INPP5B: variants seen among roughly 807,000 people sequenced by gnomAD.
INPP5B encodes the protein type II inositol 1,4,5-trisphosphate 5-phosphatase.
A neutral mutation model predicts 118.5 loss-of-function variants in INPP5B; 90 were observed. The ratio of observed to expected loss-of-function variants is 0.76; its 90% CI spans 0.64 to 0.90. INPP5B has a LOEUF of 0.90. Ranked by LOEUF, INPP5B falls within the 40% of genes least tolerant of loss-of-function variation. The probability of loss-of-function intolerance (pLI) is 0.00; values close to 1 mark genes in which losing one functional copy is unlikely to be tolerated. For synonymous variants in INPP5B, 385 were observed against 418.9 expected (o/e 0.92, Z 0.99); for missense variants, 984 against 1,125.6 (o/e 0.87, Z 1.80).
At chr1:37,883,039 T>C (rs1180074033) in intron 13 of INPP5B, 121 bp from the exon 14 acceptor site, 19 of 1,456,830 alleles carry the variant, frequency 1.3e-5, no homozygotes, top group Non-Finnish European at 1.7e-5. Context: ...GGAAAATGGC[T>C]CAACTGTTCG....
intron 3 of INPP5B, among the ~76,000 whole-genome samples, chr1:37,944,285 T>G (rs1646039119): frequency 6.6e-6 from 1 of 152,092 alleles, no homozygotes; most frequent in African/African-American, 2.4e-5. Flanking sequence ...GCCCCCTCCC[T>G]CCCAGCTCCT....
At chr1:37,890,306 C>T (rs535592469) in intron 8 of INPP5B, among the ~76,000 whole-genome samples, 5 of 150,568 alleles carry the variant, frequency 3.3e-5, no homozygotes, top group Admixed American at 1.3e-4. Context: ...ACCTGGGAGA[C>T]GGAGGCTGCA....
At chr1:37,873,308 G>A in intron 18 of INPP5B, 143 bp from the exon 19 acceptor site, 2 of 634,266 alleles carry the variant, frequency 3.2e-6, no homozygotes, top group South Asian at 1.9e-5. Flanking sequence ...ATCCAAATGT[G>A]CTTGGCATGC....
rs773900776 is a variant in INPP5B, at chr1:37,889,664, C to T, written c.690G>A (p.Ser230=). The change falls in exon 9 of 24, where the codon TCG becomes TCA. Residue 230 remains serine, a synonymous_variant. Transcript: ENST00000373024. ...GCATGGATAAAATATGAGCCTTGTCCGACACTGTGATAGTGGAGGAGCGAA... is the reference window on the plus strand; with the variant it reads ...GCATGGATAAAATATGAGCCTTGTCTGACACTGTGATAGTGGAGGAGCGAA... ...DMVRSSTITV[S]DKAHILSMQK... is the part of the protein sequence containing the mutation. The T allele has an allele frequency of 6.2e-6, 10 of 1,613,586 alleles. No homozygotes were observed. Among genetic ancestry groups the T allele is most frequent in the Admixed American group, 3.3e-5 (2 of 59,956 alleles).
chr1:37,897,935 C>G (rs557210637), intron 7 of INPP5B, among the ~76,000 whole-genome samples: 223 of 144,586 alleles, frequency 1.5e-3, no homozygotes, highest in African/African-American at 5.3e-3. Flanking sequence ...GATCCCACCT[C>G]TAAAAAATAT....
intron 7 of INPP5B, among the ~76,000 whole-genome samples, chr1:37,911,798 A>G (rs1443124804): frequency 6.6e-6 from 1 of 152,202 alleles, no homozygotes; most frequent in Non-Finnish European, 1.5e-5. Context: ...TTACTTCCAA[A>G]GGAAGCTGGA....
At chr1:37,869,802 C>T (rs896145585) in intron 19 of INPP5B, 2 of 152,046 alleles carry the variant, frequency 1.3e-5, no homozygotes, top group African/African-American at 4.8e-5. Context: ...GTTAACTCAC[C>T]ATATGACCTG....
At chr1:37,892,025 G>GGGTA (rs1479722983) in intron 7 of INPP5B, among the ~76,000 whole-genome samples, 1 of 152,130 alleles carries the variant, frequency 6.6e-6, no homozygotes, top group Non-Finnish European at 1.5e-5. Flanking sequence ...CTTGGATAAA[G>GGGTA]GGTACATTAA....
At chr1:37,875,862 C>T in intron 16 of INPP5B, 146 bp from the exon 17 acceptor site, 2 of 614,408 alleles carry the variant, frequency 3.3e-6, no homozygotes, top group Non-Finnish European at 5.8e-6. Context: ...TAATGAACTC[C>T]ATTAACAATT....
In INPP5B at chr1:37,923,562, C is replaced by T. The variant is rs1557702740; in HGVS notation, c.532+8351G>A. Among the ~76,000 whole-genome samples, 6 of 151,610 alleles carry T rather than the reference C, an allele frequency of 4.0e-5. No individual in the cohort carries two copies. The South Asian group carries it at 8.3e-4, about 21-fold the overall frequency. On this transcript the variant is annotated intron_variant, in intron 7 of 23. Coordinates refer to ENST00000373024, the MANE Select transcript of INPP5B (RefSeq NM_005540.3). ...GGAAACTTGAGGTTGGGAAGACTTA[C>T]AAGAAGACTACTGCAACAGTTCAGC...
intron 18 of INPP5B, among the ~76,000 whole-genome samples, chr1:37,873,680 A>T (rs1642612420): frequency 6.6e-6 from 1 of 152,220 alleles, no homozygotes; most frequent in South Asian, 2.1e-4. Flanking sequence ...AAGAGCAGAT[A>T]ATTGGGAGTT....
At chr1:37,938,592 T>G (rs1194802068) in intron 6 of INPP5B, among the ~76,000 whole-genome samples, 1 of 152,286 alleles carries the variant, frequency 6.6e-6, no homozygotes, top group African/African-American at 2.4e-5. Flanking sequence ...GTTGCACAGC[T>G]AGGTACTGGC....
chr1:37,904,177 TAGTC>T (rs1644426735), intron 7 of INPP5B, among the ~76,000 whole-genome samples: 1 of 151,818 alleles, frequency 6.6e-6, no homozygotes, highest in African/African-American at 2.4e-5. Context: ...TACAAAAAAT[TAGTC>T]AGGCATGGTG....
At chr1:37,939,044 A>ATCCAAAAG (rs1645808307) in intron 6 of INPP5B, among the ~76,000 whole-genome samples, 1 of 151,896 alleles carries the variant, frequency 6.6e-6, no homozygotes, top group Non-Finnish European at 1.5e-5. Context: ...AAATCCAAAA[A>ATCCAAAAG]TCAGCTGGGC....
chr1:37,884,672 C>T (rs1041614752), intron 13 of INPP5B, among the ~76,000 whole-genome samples: 1 of 152,158 alleles, frequency 6.6e-6, no homozygotes, highest in African/African-American at 2.4e-5. Context: ...AAACAAATGG[C>T]CGGGCGTGGT....
intron 6 of INPP5B, among the ~76,000 whole-genome samples, chr1:37,938,677 C>T (rs905429729): frequency 6.6e-6 from 1 of 152,114 alleles, no homozygotes; most frequent in Non-Finnish European, 1.5e-5. Context: ...TATTATTATA[C>T]CTCCTACAAC....
At position 37,862,270 on chromosome 1, in the gene INPP5B, G is replaced by T. The variant is rs748769917; in HGVS notation, c.*45C>A. On this transcript the variant is annotated 3_prime_UTR_variant, in exon 24 of 24. Coordinates refer to ENST00000373024, the MANE Select transcript of INPP5B (RefSeq NM_005540.3). ...GCATCTCTTGAGCTGAAACAGGTGG[G>T]GCTGGTAATTGGCAGCCTCAAGTAA... The T allele has an allele frequency of 7.2e-6, 9 of 1,248,398 alleles. No homozygotes were observed. In the Admixed American group the frequency reaches 1.0e-4, roughly 14 times the overall value. 77.3% of individuals were successfully genotyped at this position (1,248,398 alleles called of 1,614,324 possible). A position where few individuals can be genotyped will look rare whatever the true frequency, so the allele number is the denominator to read the frequency against.
At chr1:37,863,343 T>C (rs1050957909) in intron 23 of INPP5B, among the ~76,000 whole-genome samples, 4 of 151,786 alleles carry the variant, frequency 2.6e-5, no homozygotes, top group African/African-American at 9.7e-5. Context: ...GGTAAAACCC[T>C]GTCTCTAATA....
At chr1:37,887,187 GC>G (rs1643593983) in intron 11 of INPP5B, among the ~76,000 whole-genome samples, 163 bp downstream of exon 11, 1 of 152,126 alleles carries the variant, frequency 6.6e-6, no homozygotes. Flanking sequence ...GCGAGACCCT[GC>G]ATCTTTCCCA....
Sources: gnomAD v4.1 joint callset for allele counts (sites outside exome capture counted in the v4.1 genomes callset) on GRCh38, gnomAD v4.1.1 for gene constraint, MANE v1.5 for transcripts, NCBI Gene and HGNC (gene_info 2026-07-23, HGNC 2026-07-21) for gene names.